IFT43: variants seen among roughly 807,000 people sequenced by gnomAD.
IFT43 encodes intraflagellar transport 43.
In IFT43, 33 loss-of-function variants were observed where a neutral mutation model predicts 32.3. The observed-to-expected ratio is 1.02, with a 90% CI of 0.77 to 1.37. IFT43 has a LOEUF of 1.37. Ranked by LOEUF, IFT43 falls within the 40% of genes most tolerant of loss-of-function variation. The pLI is 0.00. For synonymous variants in IFT43, 93 were observed against 98.2 expected, an observed-to-expected ratio of 0.95 and a Z score of 0.31; for missense variants, 274 against 265.9, an observed-to-expected ratio of 1.03 and a Z score of -0.21.
At chr14:76,048,186 C>T (rs1682013160) in intron 3 of IFT43, among the ~76,000 whole-genome samples, 1 of 152,226 alleles carries the variant, frequency 6.6e-6, no homozygotes, top group Non-Finnish European at 1.5e-5. Flanking sequence ...AAAGGCCATG[C>T]ACTATACTAT....
At chr14:76,026,550 C>CT in intron 3 of IFT43, among the ~76,000 whole-genome samples, 1 of 92,710 alleles carries the variant, frequency 1.1e-5, no homozygotes, top group Admixed American at 1.1e-4. Context: ...AAGAGTGAAA[C>CT]TCAAAAAAAA....
intron 2 of IFT43, among the ~76,000 whole-genome samples, chr14:76,006,846 A>C (rs898712098): frequency 2.7e-5 from 4 of 149,744 alleles, no homozygotes; most frequent in African/African-American, 4.9e-5. Context: ...TTTTAGGATT[A>C]CTGGGGACAT....
At chr14:76,056,642 C>T (rs2037022759) in intron 3 of IFT43, among the ~76,000 whole-genome samples, 1 of 152,246 alleles carries the variant, frequency 6.6e-6, no homozygotes, top group Non-Finnish European at 1.5e-5. Context: ...TTCCTAGCCT[C>T]TTTAATCCCG....
At chr14:76,056,658 C>A (rs1008340231) in intron 3 of IFT43, among the ~76,000 whole-genome samples, 11 of 152,128 alleles carry the variant, frequency 7.2e-5, no homozygotes, top group Admixed American at 7.2e-4. Context: ...TCCCGGGATT[C>A]TTCTTTTATC....
intron 2 of IFT43, among the ~76,000 whole-genome samples, chr14:76,009,432 G>A (rs557519670): frequency 4.6e-5 from 7 of 151,986 alleles, no homozygotes; most frequent in Non-Finnish European, 1.0e-4. Flanking sequence ...ATTCGTTAAT[G>A]TATTATTTCT....
intron 2 of IFT43, among the ~76,000 whole-genome samples, chr14:76,021,637 T>G (rs948393654): frequency 6.6e-6 from 1 of 152,218 alleles, no homozygotes; most frequent in Non-Finnish European, 1.5e-5. Flanking sequence ...ATTTACTTAA[T>G]TCCTTATTGC....
chr14:76,002,297 AATTAAATT>A, intron 2 of IFT43, among the ~76,000 whole-genome samples: 1 of 152,164 alleles, frequency 6.6e-6, no homozygotes, highest in Admixed American at 6.5e-5. Context: ...TTACAATGGC[AATTAAATT>A]TCAACCCAAG....
At chr14:76,059,086 G>A in intron 4 of IFT43, 6 of 1,437,378 alleles carry the variant, frequency 4.2e-6, no homozygotes, top group Non-Finnish European at 5.5e-6. Context: ...CCCAGGGGCG[G>A]AAGCTGCATT....
rs915958457 is a variant in IFT43, at chr14:76,078,760, C to T, written c.296-3535C>T. Among the ~76,000 whole-genome samples the T allele has an allele frequency of 5.3e-5, 8 of 152,180 alleles. 1 individual carries two copies. The South Asian group carries it at 1.2e-3, about 24-fold the overall frequency. On this transcript the variant is annotated intron_variant, in intron 5 of 8. Transcript: ENST00000314067. ...TGCCTGCCGGGGAAGCTGGGGATAC[C>T]GGCTCCCATGGTGCCGGGGGTGTCA...
intron 6 of IFT43, 104 bp from the exon 7 acceptor site, chr14:76,082,512 TG>T: frequency 1.4e-6 from 2 of 1,395,442 alleles, no homozygotes; most frequent in Non-Finnish European, 2.0e-6. Context: ...ATTCCCATTC[TG>T]GTCATCCCCT....
At chr14:76,021,536 A>G (rs938598559) in intron 2 of IFT43, among the ~76,000 whole-genome samples, 5 of 152,218 alleles carry the variant, frequency 3.3e-5, no homozygotes, top group Admixed American at 2.6e-4. Context: ...TGTTTTTGAA[A>G]CTTAAAATGT....
At position 76,056,036 on chromosome 14, in the gene IFT43, T is replaced by G. The variant is rs10431723; in HGVS notation, c.216-2606T>G. ...AAAGTTAAGAGTCCAGAAATTTGGA[T>G]TTTTATACAAAATCTCCCCATTTTG... On this transcript the variant is annotated intron_variant, in intron 3 of 8. Transcript: ENST00000314067. Among the ~76,000 whole-genome samples, 263 of 152,284 alleles carry G rather than the reference T, an allele frequency of 1.7e-3. 2 individuals carry two copies. In the East Asian group the frequency reaches 0.023, roughly 13 times the overall value.
At chr14:75,999,258 TATATATATATATATG>T (rs2035823561) in intron 2 of IFT43, among the ~76,000 whole-genome samples, 9 of 13,848 alleles carry the variant, frequency 6.5e-4, no homozygotes, top group African/African-American at 2.8e-3. Context: ...TATATATATA[TATATATATATATATG>T]TATATATATT....
chr14:76,079,959 TAAAAAG>T (rs1378179853), intron 5 of IFT43, among the ~76,000 whole-genome samples: 1 of 151,044 alleles, frequency 6.6e-6, no homozygotes, highest in Non-Finnish European at 1.5e-5. Context: ...GGGAAGGAGA[TAAAAAG>T]AAAAAAAAAA....
chr14:76,082,775 C>A, intron 7 of IFT43, 83 bp downstream of exon 7: 1 of 1,040,530 alleles, frequency 9.6e-7, no homozygotes, highest in Non-Finnish European at 1.5e-6. Flanking sequence ...TCCTCCCAAG[C>A]TATACAGCGC....
chr14:75,989,879 A>C (rs1010187370), intron 2 of IFT43, among the ~76,000 whole-genome samples: 10 of 152,194 alleles, frequency 6.6e-5, no homozygotes, highest in Non-Finnish European at 1.3e-4. Context: ...ACATGGACAC[A>C]CTTCACTTAC....
chr14:76,034,880 A>C (rs2036571054), intron 3 of IFT43, among the ~76,000 whole-genome samples: 1 of 152,216 alleles, frequency 6.6e-6, no homozygotes, highest in Admixed American at 6.5e-5. Flanking sequence ...CTTGGCTCTG[A>C]AGTTGCCCGA....
intron 5 of IFT43, among the ~76,000 whole-genome samples, chr14:76,070,225 G>A (rs961384441): frequency 6.6e-5 from 10 of 152,164 alleles, no homozygotes; most frequent in South Asian, 2.1e-4. Flanking sequence ...GAGGACTGTC[G>A]TCCCCCTGTC....
intron 2 of IFT43, among the ~76,000 whole-genome samples, chr14:76,009,468 A>G (rs557255201): frequency 6.6e-6 from 1 of 152,344 alleles, no homozygotes; most frequent in Admixed American, 6.5e-5. Context: ...CTTATTCACC[A>G]ACAGTCAAGT....
Sources: gnomAD v4.1 joint callset for allele counts (sites outside exome capture counted in the v4.1 genomes callset) on GRCh38, gnomAD v4.1.1 for gene constraint, MANE v1.5 for transcripts, NCBI Gene and HGNC (gene_info 2026-07-23, HGNC 2026-07-21) for gene names.